PEMT: variants seen among roughly 807,000 people sequenced by gnomAD.
PEMT encodes the protein phospholipid methyltransferase.
PEMT carries 23 observed loss-of-function variants against 27.4 expected under a neutral mutation model. The ratio of observed to expected loss-of-function variants is 0.84; its 90% CI spans 0.60 to 1.19. The LOEUF is 1.19. Among genes scored for constraint, PEMT ranks in the 50% most tolerant of loss-of-function variants. PEMT has a pLI of 0.00. For synonymous variants in PEMT, 137 were observed against 139.1 expected (o/e 0.98, Z 0.11); for missense variants, 307 against 310.1 (o/e 0.99, Z 0.07).
At chr17:17,525,280 T>G (rs1597889024) in intron 2 of PEMT, among the ~76,000 whole-genome samples, 2 of 152,144 alleles carry the variant, frequency 1.3e-5, no homozygotes, top group East Asian at 3.9e-4. Context: ...CAGAAAAGCA[T>G]CAAGCAAGAC....
chr17:17,556,354 T>G (rs1004663442), intron 2 of PEMT, among the ~76,000 whole-genome samples: 1 of 149,202 alleles, frequency 6.7e-6, no homozygotes, highest in African/African-American at 2.5e-5. Context: ...CCTTCCTTCC[T>G]TCCTTCCTGC....
At chr17:17,531,621 C>CAAAAAAAAAAAAAAAAAAAAAA (rs58165466) in intron 2 of PEMT, among the ~76,000 whole-genome samples, 1 of 62,382 alleles carries the variant, frequency 1.6e-5, no homozygotes, top group African/African-American at 5.7e-5. Flanking sequence ...CTATCATATG[C>CAAAAAAAAAAAAAAAAAAAAAA]AAAAAAAAAA....
At chr17:17,535,713 G>A (rs190120949) in intron 2 of PEMT, among the ~76,000 whole-genome samples, 3 of 152,324 alleles carry the variant, frequency 2.0e-5, no homozygotes, top group African/African-American at 4.8e-5. Flanking sequence ...GGGAAGAGGC[G>A]GAGAGGGGGC....
intron 3 of PEMT, chr17:17,518,154 G>A: frequency 1.0e-6 from 1 of 985,484 alleles, no homozygotes; most frequent in Non-Finnish European, 1.2e-6. Context: ...TCCATCCCGT[G>A]ACTGGTGAAC....
chr17:17,506,078 A>C (rs1330558653), intron 6 of PEMT, 149 bp downstream of exon 6: 2 of 972,982 alleles, frequency 2.1e-6, no homozygotes, highest in Non-Finnish European at 3.0e-6. Context: ...ATTGTAAGCT[A>C]CCATGGCCGC....
chr17:17,521,077 G>C (rs1327239937), intron 3 of PEMT, among the ~76,000 whole-genome samples: 1 of 152,224 alleles, frequency 6.6e-6, no homozygotes, highest in Non-Finnish European at 1.5e-5. Context: ...GACGGAGATG[G>C]GGCCACGGGC....
chr17:17,531,614 T>A, intron 2 of PEMT, among the ~76,000 whole-genome samples: 1 of 83,148 alleles, frequency 1.2e-5, no homozygotes. Context: ...CAATTGGCTA[T>A]CATATGCAAA....
rs143230411 is a variant in PEMT at position 17,508,966 on chromosome 17, C to T, written c.578+468G>A. 9.5e-4 allele frequency: 277 copies of T among 292,036 alleles called. 1 individual carries two copies. Among genetic ancestry groups the T allele is most frequent in the African/African-American group, 5.4e-3 (232 of 43,108 alleles). 18.1% of individuals were successfully genotyped at this position (292,036 alleles called of 1,614,324 possible). A position where few individuals can be genotyped will look rare whatever the true frequency, so the allele number is the denominator to read the frequency against. On this transcript the variant is annotated intron_variant, in intron 5 of 6. Coordinates refer to ENST00000255389, the MANE Select transcript of PEMT (RefSeq NM_148172.3). ...GCCCTGATGTCCCCGCACAAGGGTC[C>T]GCAAACTACGGCCTAGGGGCCAAGA... is the stretch of plus-strand genomic sequence containing the variant.
At chr17:17,573,466 C>CA (rs71152883) in intron 2 of PEMT, among the ~76,000 whole-genome samples, 5,815 of 79,928 alleles carry the variant, frequency 0.073, 150 homozygotes, top group Non-Finnish European at 0.085. Context: ...GATGCTGTCT[C>CA]AAAAAAAAAA....
At chr17:17,507,232 G>A (rs1365562383) in intron 5 of PEMT, 1 of 1,499,392 alleles carries the variant, frequency 6.7e-7, no homozygotes, top group Admixed American at 2.0e-5. Context: ...GAGGGAGGAA[G>A]AGAGGAAGGA....
At chr17:17,517,841 AGCCGGCTCACTCCTCCAG>A (rs1224748809) in intron 3 of PEMT, 1 of 337,742 alleles carries the variant, frequency 3.0e-6, no homozygotes. Flanking sequence ...CCATCTGAAG[AGCCGGCTCACTCCTCCAG>A]GCCTTGGTCG....
At chr17:17,522,024 C>T (rs1907303931) in intron 3 of PEMT, among the ~76,000 whole-genome samples, 1 of 152,206 alleles carries the variant, frequency 6.6e-6, no homozygotes, top group African/African-American at 2.4e-5. Flanking sequence ...TGGGATGTGA[C>T]CTGGGGACCA....
intron 2 of PEMT, among the ~76,000 whole-genome samples, chr17:17,546,254 A>T (rs1458662135): frequency 1.3e-5 from 2 of 152,224 alleles, no homozygotes; most frequent in African/African-American, 4.8e-5. Context: ...CCTGTGGAGA[A>T]GGGCATGTGT....
chr17:17,538,963 T>A (rs1297235033), intron 2 of PEMT, among the ~76,000 whole-genome samples: 3 of 152,252 alleles, frequency 2.0e-5, no homozygotes, highest in Non-Finnish European at 2.9e-5. Context: ...ATCACCATCA[T>A]CAACGCCCAT....
At chr17:17,578,173 ATT>A (rs112026765) in intron 1 of PEMT, among the ~76,000 whole-genome samples, 1 of 145,412 alleles carries the variant, frequency 6.9e-6, no homozygotes. Context: ...AGATTTTACA[ATT>A]TTTTTTTTTT....
chr17:17,578,496 TAAAC>T (rs1364220449), intron 1 of PEMT: 1 of 151,986 alleles, frequency 6.6e-6, no homozygotes, highest in East Asian at 1.9e-4. Flanking sequence ...TCTCAAAAAA[TAAAC>T]AATTAATTAA....
chr17:17,557,636 T>C (rs2142676418), intron 2 of PEMT, among the ~76,000 whole-genome samples: 1 of 152,304 alleles, frequency 6.6e-6, no homozygotes, highest in East Asian at 1.9e-4. Flanking sequence ...CAGGAGATGT[T>C]TGCTGAATGA....
chr17:17,591,269 C>A (rs1032905827), intron 1 of PEMT, among the ~76,000 whole-genome samples: 1 of 152,210 alleles, frequency 6.6e-6, no homozygotes. Flanking sequence ...GGGCCACACA[C>A]AGGCACACAA....
intron 2 of PEMT, among the ~76,000 whole-genome samples, chr17:17,541,041 G>C (rs962386526): frequency 6.6e-5 from 10 of 152,238 alleles, no homozygotes; most frequent in African/African-American, 2.4e-4. Flanking sequence ...GCCGCTGAGT[G>C]CTCGGCTGAG....
Sources: gnomAD v4.1 joint callset for allele counts (sites outside exome capture counted in the v4.1 genomes callset) on GRCh38, gnomAD v4.1.1 for gene constraint, MANE v1.5 for transcripts, NCBI Gene and HGNC (gene_info 2026-07-23, HGNC 2026-07-21) for gene names.